Variants in FNBP1 observed in about 807,000 individuals in gnomAD.
FNBP1 encodes the protein formin-binding protein 1.
Under a neutral mutation model 90.6 loss-of-function variants are expected in FNBP1, and 26 were observed. That is an observed-to-expected ratio of 0.29 (90% CI 0.21 to 0.40). The LOEUF is 0.40. FNBP1 is among the 10% of genes least tolerant of loss of function. The pLI is 1.00. For synonymous variants in FNBP1, 260 were observed against 265.2 expected (o/e 0.98, Z 0.19); for missense variants, 635 against 768.0 (o/e 0.83, Z 2.05).
intron 1 of FNBP1, among the ~76,000 whole-genome samples, chr9:130,007,401 A>C (rs1267641400): frequency 6.6e-6 from 1 of 152,242 alleles, no homozygotes. Context: ...AGAAAGTAGA[A>C]GCCTCAGGAC....
At chr9:129,992,744 G>C (rs1187953741) in intron 2 of FNBP1, among the ~76,000 whole-genome samples, 1 of 149,570 alleles carries the variant, frequency 6.7e-6, no homozygotes, top group African/African-American at 2.5e-5. Context: ...AGTGGAGACG[G>C]GGTTTCACCA....
intron 16 of FNBP1, among the ~76,000 whole-genome samples, chr9:129,892,226 C>T (rs2035169616): frequency 6.6e-6 from 1 of 152,084 alleles, no homozygotes; most frequent in Non-Finnish European, 1.5e-5. Context: ...CACACGTATT[C>T]TGTGGGGGGA....
rs146349065 is a variant in FNBP1, at chr9:129,959,466, G to A, written c.346-913C>T. On this transcript the variant is annotated intron_variant, in intron 4 of 16. Transcript: ENST00000446176. ...CAGCCAGGCGTGGTGGTGCGTGCCT[G>A]TAATCCCAGCTACTTGGGAGGCTGA... 2.0e-3 allele frequency among the ~76,000 whole-genome samples: 309 copies of A among 151,872 alleles called. 1 individual carries two copies. The highest frequency in any genetic ancestry group is 3.7e-3 in the Non-Finnish European group (249 of 67,942).
At chr9:129,931,722 CAGG>C (rs1300011454) in intron 6 of FNBP1, among the ~76,000 whole-genome samples, 10 of 151,974 alleles carry the variant, frequency 6.6e-5, no homozygotes, top group Admixed American at 3.3e-4. Context: ...TGCTTGAGCT[CAGG>C]AGGTCAAGTA....
chr9:129,929,480 A>G, intron 7 of FNBP1, 87 bp downstream of exon 7: 1 of 1,265,132 alleles, frequency 7.9e-7, no homozygotes, highest in Non-Finnish European at 1.1e-6. Context: ...CTCAGAATAC[A>G]AACCCAGCAA....
intron 4 of FNBP1, among the ~76,000 whole-genome samples, chr9:129,960,420 AAG>A (rs1462163811): frequency 1.3e-5 from 2 of 151,094 alleles, no homozygotes; most frequent in African/African-American, 4.9e-5. Context: ...GAAAAAGAAA[AAG>A]AAAAAGAAAA....
At chr9:130,003,120 T>A (rs1036632556) in intron 1 of FNBP1, among the ~76,000 whole-genome samples, 6 of 25,144 alleles carry the variant, frequency 2.4e-4, no homozygotes, top group African/African-American at 5.2e-4. Flanking sequence ...TATATCTTCA[T>A]TAAGTTCAAA....
intron 15 of FNBP1, 131 bp from the exon 16 acceptor site, chr9:129,896,127 T>A: frequency 1.1e-6 from 1 of 870,810 alleles, no homozygotes; most frequent in Non-Finnish European, 1.8e-6. Flanking sequence ...TCGGACCTTC[T>A]CAGATGCACG....
At chr9:129,919,995 T>TC (rs2131797726) in intron 10 of FNBP1, among the ~76,000 whole-genome samples, 1 of 152,360 alleles carries the variant, frequency 6.6e-6, no homozygotes, top group South Asian at 2.1e-4. Flanking sequence ...TTGTGCTTCC[T>TC]CTTTTTTTGC....
intron 1 of FNBP1, 109 bp from the exon 2 acceptor site, chr9:129,995,067 T>C: frequency 1.5e-6 from 1 of 662,084 alleles, no homozygotes; most frequent in Non-Finnish European, 2.6e-6. Flanking sequence ...AGTACTAATA[T>C]TTTCCATGAT....
At chr9:129,933,107 A>G (rs777390351) in intron 6 of FNBP1, among the ~76,000 whole-genome samples, 58 of 152,164 alleles carry the variant, frequency 3.8e-4, no homozygotes, top group Non-Finnish European at 7.4e-4. Flanking sequence ...CTCAGGAGGT[A>G]GTTTCCCCGT....
chr9:129,916,596 A>G (rs1426628148), intron 10 of FNBP1, among the ~76,000 whole-genome samples: 3 of 151,808 alleles, frequency 2.0e-5, no homozygotes, highest in African/African-American at 4.8e-5. Context: ...AGCCTGGGCA[A>G]CAAGAGTGAA....
chr9:130,000,584 TA>T (rs576905228), intron 1 of FNBP1, among the ~76,000 whole-genome samples: 10 of 152,204 alleles, frequency 6.6e-5, no homozygotes, highest in African/African-American at 2.2e-4. Flanking sequence ...TCTTGTAAAA[TA>T]TTTTTTTTGA....
At chr9:129,962,754 T>C (rs1026784750) in intron 4 of FNBP1, among the ~76,000 whole-genome samples, 22 of 152,084 alleles carry the variant, frequency 1.4e-4, no homozygotes, top group African/African-American at 4.6e-4. Flanking sequence ...GACATAAGGA[T>C]AGAACAGAAA....
In FNBP1 at chr9:129,973,983, T is replaced by A. The variant is rs529686591; in HGVS notation, c.345+4482A>T. ...GCACCATCATGCCCAGCTAATTTTT[T>A]AAAATGTATTTTATATTTTTAGTAG... On this transcript the variant is annotated intron_variant, in intron 4 of 16. Coordinates refer to ENST00000446176, the MANE Select transcript of FNBP1 (RefSeq NM_015033.3). 9.9e-4 allele frequency among the ~76,000 whole-genome samples: 151 copies of A among 151,974 alleles called. 1 individual carries two copies. In the Middle Eastern group the frequency reaches 0.01, roughly 10 times the overall value.
chr9:129,934,946 T>G (rs766156643), intron 6 of FNBP1, among the ~76,000 whole-genome samples: 1 of 152,114 alleles, frequency 6.6e-6, no homozygotes, highest in African/African-American at 2.4e-5. Flanking sequence ...CCATACTGCC[T>G]AAAAGGTCAG....
chr9:129,899,139 G>T (rs550837896), intron 15 of FNBP1, among the ~76,000 whole-genome samples: 1 of 150,916 alleles, frequency 6.6e-6, no homozygotes, highest in Non-Finnish European at 1.5e-5. Context: ...GTACAGTGGC[G>T]CTATCTCAGC....
At chr9:129,927,372 T>G (rs756884924) in intron 7 of FNBP1, 31 bp from the exon 8 acceptor site, 16 of 1,599,588 alleles carry the variant, frequency 1.0e-5, no homozygotes, top group Non-Finnish European at 1.4e-5. Flanking sequence ...TAAAGTAAGT[T>G]TGGTCCATTA....
At chr9:129,928,341 A>G (rs139044026) in intron 7 of FNBP1, among the ~76,000 whole-genome samples, 116 of 152,368 alleles carry the variant, frequency 7.6e-4, no homozygotes, top group African/African-American at 2.6e-3. Flanking sequence ...TTTAGCAAAG[A>G]CAGCATTAAT....
Sources: gnomAD v4.1 joint callset for allele counts (sites outside exome capture counted in the v4.1 genomes callset) on GRCh38, gnomAD v4.1.1 for gene constraint, MANE v1.5 for transcripts, NCBI Gene and HGNC (gene_info 2026-07-23, HGNC 2026-07-21) for gene names.